Variants in FAM217B observed in about 807,000 individuals in gnomAD.
The protein encoded by FAM217B is family with sequence similarity 217 member B.
For missense variants in FAM217B, 463 were observed against 456.9 expected, an observed-to-expected ratio of 1.01 and a Z score of -0.12; for synonymous variants, 163 against 173.0, an observed-to-expected ratio of 0.94 and a Z score of 0.45.
intron 1 of FAM217B, among the ~76,000 whole-genome samples, chr20:59,935,118 G>A (rs552136743): frequency 1.3e-5 from 2 of 152,330 alleles, no homozygotes; most frequent in Admixed American, 6.5e-5. Flanking sequence ...AACACAAAAT[G>A]TAAGAAGATC....
chr20:59,939,883 G>C (rs2060889484), upstream of FAM217B: 3 of 1,250,974 alleles, frequency 2.4e-6, no homozygotes, highest in Admixed American at 1.2e-4. Context: ...CCGAGCTTCC[G>C]GGATCCCAGG....
At chr20:59,940,197 G>C (rs1215569860), upstream of FAM217B, 1 of 357,040 alleles carries the variant, frequency 2.8e-6, no homozygotes, top group East Asian at 4.4e-5. Flanking sequence ...CGGGAGCGCA[G>C]GGTAGCGCCT....
At position 59,944,490 on chromosome 20, in the gene FAM217B, G is replaced by A. The variant is rs750772781; in HGVS notation, c.547G>A (p.Asp183Asn). ...RVGGLLGKYI[D>N]RLIQLEWLQV... is the part of the protein sequence containing the mutation. Reference sequence around the variant, plus strand: ...GGGAGGACTTCTTGGGAAGTATATCGATAGACTTATTCAGCTTGAGTGGCT... The same window carrying A: ...GGGAGGACTTCTTGGGAAGTATATCAATAGACTTATTCAGCTTGAGTGGCT... The change falls in exon 4 of 4, where the codon GAT (aspartate) becomes AAT (asparagine). Residue 183 changes from aspartate (D) to asparagine (N), a missense_variant. By Grantham distance (23) the Asp-to-Asn change is conservative (BLOSUM62 1). Transcript: ENST00000360816. The A allele has an allele frequency of 3.7e-6, 6 of 1,613,790 alleles. No individual in the cohort carries two copies. In the African/African-American group the frequency reaches 4.0e-5, roughly 11 times the overall value.
chr20:59,939,720 CGCCGCAGGATGATGG>C (rs1315261580), upstream of FAM217B: 2 of 1,313,798 alleles, frequency 1.5e-6, no homozygotes, highest in African/African-American at 3.1e-5. Context: ...TGAGCGCGCC[CGCCGCAGGATGATGG>C]GCCGCAGGCG....
chr20:59,936,379 GC>G (rs1405792282), upstream of FAM217B, among the ~76,000 whole-genome samples: 1 of 152,156 alleles, frequency 6.6e-6, no homozygotes, highest in African/African-American at 2.4e-5. Context: ...CATATTTAAA[GC>G]ACTTAGCACT....
rs528956673 is a variant in FAM217B, at chr20:59,946,003, C to G, written c.*908C>G. On this transcript the variant is annotated 3_prime_UTR_variant, in exon 4 of 4. Coordinates refer to ENST00000360816, the MANE Select transcript of FAM217B (RefSeq NM_022106.3). ...TGTAAAAGGATCAAAACACATGGAC[C>G]TACATTCAGTGTAATAGTTACAAAG... 6.0e-6 allele frequency: 1 copy of G among 167,116 alleles called. No homozygotes were observed. The highest frequency in any genetic ancestry group is 2.4e-5 in the African/African-American group (1 of 41,530). The allele number at this position is 167,116 out of a possible 1,614,324, so 10.4% of individuals were successfully genotyped here.
chr20:59,934,053 G>A (rs2060833656), intron 1 of FAM217B, among the ~76,000 whole-genome samples: 1 of 152,102 alleles, frequency 6.6e-6, no homozygotes, highest in Non-Finnish European at 1.5e-5. Context: ...CCATCCCCGC[G>A]CTATGCGTCC....
intron 1 of FAM217B, among the ~76,000 whole-genome samples, chr20:59,940,783 G>A (rs1309628992): frequency 1.3e-5 from 2 of 152,322 alleles, no homozygotes; most frequent in South Asian, 2.1e-4. Context: ...GACCGAGGGA[G>A]CCTCACTGCG....
chr20:59,944,963 G>T lies in FAM217B; in HGVS notation c.1020G>T (p.Lys340Asn). 3.1e-6 allele frequency: 5 copies of T among 1,614,170 alleles called. No homozygotes were observed. Among genetic ancestry groups the T allele is most frequent in the Non-Finnish European group, 4.2e-6 (5 of 1,180,038 alleles). The change falls in exon 4 of 4, where the codon AAG becomes AAT. Residue 340 changes from lysine to asparagine, a missense_variant. By Grantham distance (94) the Lys-to-Asn change is moderately conservative. Coordinates refer to ENST00000360816, the MANE Select transcript of FAM217B (RefSeq NM_022106.3). Reference sequence around the variant, plus strand: ...TTCTGGACTCAGCAGATTCCTGTAAGGCCTCCAAAACACAAGCACATGCAC... The same window carrying T: ...TTCTGGACTCAGCAGATTCCTGTAATGCCTCCAAAACACAAGCACATGCAC... ...AVILDSADSC[K>N]ASKTQAHAHP... is the part of the protein sequence containing the mutation.
chr20:59,940,033 C>G, upstream of FAM217B: 1 of 1,021,060 alleles, frequency 9.8e-7, no homozygotes, highest in Non-Finnish European at 1.3e-6. Context: ...TCCACCGTAT[C>G]TGCAACCTGC....
rs1323090991 is a variant in FAM217B, at chr20:59,945,022, G to C, written c.1079G>C (p.Gly360Ala). 6.2e-7 allele frequency: 1 copy of C among 1,613,910 alleles called. No individual in the cohort carries two copies. Among genetic ancestry groups the C allele is most frequent in the Non-Finnish European group, 8.5e-7 (1 of 1,179,976 alleles). The change falls in exon 4 of 4, where the codon GGT (glycine) becomes GCT (alanine). Residue 360 changes from glycine (G) to alanine (A), a missense_variant. Coordinates refer to ENST00000360816, the MANE Select transcript of FAM217B (RefSeq NM_022106.3). ...AAAAAGGGAAAGGCAGAGAGCTGTG[G>C]TCATGCCACTGTATCGAGTGAGAAA... ...PRKKGKAESC[G>A]HATVSSEKKL...
chr20:59,940,041 TGCGG>T, upstream of FAM217B: 1 of 953,314 alleles, frequency 1.0e-6, no homozygotes, highest in Non-Finnish European at 1.4e-6. Flanking sequence ...ATCTGCAACC[TGCGG>T]GGGACCTCTC....
upstream of FAM217B, chr20:59,939,884 G>A (rs953375503): frequency 8.8e-6 from 11 of 1,251,410 alleles, no homozygotes; most frequent in Non-Finnish European, 1.1e-5. Context: ...CGAGCTTCCG[G>A]GATCCCAGGG....
chr20:59,933,801 C>T (rs1275248959), exon 1 of FAM217B: 2 of 150,348 alleles, frequency 1.3e-5, no homozygotes, highest in Admixed American at 6.6e-5. Context: ...CGGGGTCGCC[C>T]GAGGCCTGAG....
upstream of FAM217B, chr20:59,939,927 G>T: frequency 7.9e-7 from 1 of 1,262,336 alleles, no homozygotes; most frequent in Non-Finnish European, 1.0e-6. Context: ...CGGGCCTCTG[G>T]ACATGGCCCC....
upstream of FAM217B, chr20:59,937,763 A>C (rs181185659): frequency 7.7e-3 from 1,172 of 152,362 alleles, 7 homozygotes; most frequent in Middle Eastern, 0.027. Flanking sequence ...TTGGAGTTTT[A>C]AGTGATTGCC....
chr20:59,941,861 G>T (rs892645666), intron 1 of FAM217B, among the ~76,000 whole-genome samples: 7 of 152,156 alleles, frequency 4.6e-5, no homozygotes, highest in Non-Finnish European at 1.0e-4. Context: ...TAGCCTTCCA[G>T]ATTTCTTCAA....
At chr20:59,939,035 G>C (rs761154540), upstream of FAM217B, 8 of 1,526,194 alleles carry the variant, frequency 5.2e-6, no homozygotes, top group Admixed American at 4.1e-5. Flanking sequence ...GCGCGGCTCA[G>C]ATGAAGTGGA....
At chr20:59,943,880 A>G in intron 3 of FAM217B, 60 bp from the exon 4 acceptor site, 5 of 1,394,112 alleles carry the variant, frequency 3.6e-6, no homozygotes, top group East Asian at 4.7e-5. Context: ...TGTTTGTTTA[A>G]TTATAGCCAG....
Sources: gnomAD v4.1 joint callset for allele counts (sites outside exome capture counted in the v4.1 genomes callset) on GRCh38, gnomAD v4.1.1 for gene constraint, MANE v1.5 for transcripts, NCBI Gene and HGNC (gene_info 2026-07-23, HGNC 2026-07-21) for gene names.